Variants in SREK1 observed in about 807,000 individuals in gnomAD.
SREK1 encodes splicing regulatory glutamine/lysine-rich protein 1.
In SREK1, 13 loss-of-function variants were observed where a neutral mutation model predicts 66.5. The observed-to-expected ratio is 0.20, with a 90% CI of 0.13 to 0.31. The LOEUF (loss-of-function observed/expected upper bound fraction) is 0.31, where lower values mean the gene tolerates loss of function less well. SREK1 is among the 10% of genes least tolerant of loss of function. The probability of loss-of-function intolerance (pLI) is 1.00; values close to 1 mark genes in which losing one functional copy is unlikely to be tolerated. For missense variants in SREK1, 607 were observed against 769.6 expected, an observed-to-expected ratio of 0.79 and a Z score of 2.50; for synonymous variants, 265 against 263.5, an observed-to-expected ratio of 1.01 and a Z score of -0.05.
At chr5:66,151,122 T>C (rs1005086329) in intron 1 of SREK1, among the ~76,000 whole-genome samples, 2 of 152,210 alleles carry the variant, frequency 1.3e-5, no homozygotes, top group Non-Finnish European at 2.9e-5. Flanking sequence ...ATTACAGGCA[T>C]GAGCCACCCT....
At chr5:66,146,152 G>C (rs998626698) in intron 1 of SREK1, among the ~76,000 whole-genome samples, 5 of 152,108 alleles carry the variant, frequency 3.3e-5, no homozygotes, top group Non-Finnish European at 7.4e-5. Context: ...CTCAATTTAA[G>C]TTCTCAGAAC....
rs1746302757 is a variant in SREK1, at chr5:66,179,052, A to G, written c.*184A>G. On this transcript the variant is annotated 3_prime_UTR_variant, in exon 12 of 12. Transcript: ENST00000334121. Reference sequence around the variant, plus strand: ...AGTAAGAAAATAAAGCATGGACATCATGAAAATAACAGATGTTACCCAAAC... The same window carrying G: ...AGTAAGAAAATAAAGCATGGACATCGTGAAAATAACAGATGTTACCCAAAC... 1.8e-6 allele frequency: 1 copy of G among 551,548 alleles called. No homozygotes were observed. The highest frequency in any genetic ancestry group is 2.8e-6 in the Non-Finnish European group (1 of 351,502). The allele number at this position is 551,548 out of a possible 1,614,324, so 34.2% of individuals were successfully genotyped here. A position where few individuals can be genotyped will look rare whatever the true frequency, so the allele number is the denominator to read the frequency against.
At position 66,182,243 on chromosome 5, in the gene SREK1, G is replaced by A. The variant is rs1051080666; in HGVS notation, c.*3375G>A. On this transcript the variant is annotated 3_prime_UTR_variant, in exon 12 of 12. Transcript: ENST00000334121. ...TATCTGATTTCAACTGGTGCGTTAC[G>A]AAGTAGAGCCATTCCCACAAAGTAA... The A allele has an allele frequency of 2.6e-5, 4 of 152,080 alleles. No homozygotes were observed. The highest frequency in any genetic ancestry group is 7.2e-5 in the African/African-American group (3 of 41,414). The allele number at this position is 152,080 out of a possible 1,614,324, so 9.4% of individuals were successfully genotyped here.
intron 7 of SREK1, 56 bp from the exon 8 acceptor site, chr5:66,169,995 C>T: frequency 7.2e-7 from 1 of 1,385,524 alleles, no homozygotes. Flanking sequence ...TTTAAATTTT[C>T]TTGTTTGAAA....
intron 8 of SREK1, 83 bp downstream of exon 8, chr5:66,170,253 T>G (rs1745519204): frequency 1.4e-6 from 2 of 1,466,328 alleles, no homozygotes; most frequent in Non-Finnish European, 1.8e-6. Context: ...ATTGGCTTCA[T>G]TTGTTAAAAA....
intron 2 of SREK1, among the ~76,000 whole-genome samples, chr5:66,154,644 A>G (rs974400684): frequency 6.6e-6 from 1 of 152,304 alleles, no homozygotes; most frequent in Non-Finnish European, 1.5e-5. Context: ...TGGGATGTCA[A>G]AAACATTACA....
chr5:66,169,341 C>T (rs1156981365), intron 7 of SREK1: 3 of 152,124 alleles, frequency 2.0e-5, no homozygotes, highest in East Asian at 1.9e-4. Flanking sequence ...TGAGCGCTTT[C>T]GTGATGCTCA....
At chr5:66,144,913 A>G (rs1459744548) in intron 1 of SREK1, 3 of 996,786 alleles carry the variant, frequency 3.0e-6, no homozygotes, top group South Asian at 4.5e-5. Flanking sequence ...GCGTTTTTCC[A>G]CTCTGAAAAT....
intron 2 of SREK1, chr5:66,157,232 A>C (rs1744361617): frequency 1.0e-6 from 1 of 985,112 alleles, no homozygotes; most frequent in South Asian, 4.7e-5. Flanking sequence ...GGAGAGTTTG[A>C]CAACCTACTG....
chr5:66,167,370 G>A (rs1005347553), intron 7 of SREK1: 1 of 152,198 alleles, frequency 6.6e-6, no homozygotes, highest in Non-Finnish European at 1.5e-5. Context: ...AACAGGAACT[G>A]TAAGACATTT....
intron 5 of SREK1, 63 bp downstream of exon 5, chr5:66,162,655 A>T: frequency 6.8e-7 from 1 of 1,473,634 alleles, no homozygotes; most frequent in Non-Finnish European, 9.1e-7. Context: ...TTTTGATGTA[A>T]TGAAGGCTTT....
chr5:66,152,190 T>G (rs990877016), intron 1 of SREK1, among the ~76,000 whole-genome samples: 1 of 152,226 alleles, frequency 6.6e-6, no homozygotes, highest in East Asian at 1.9e-4. Flanking sequence ...GCCTTACTAA[T>G]TGTGTTAATA....
intron 7 of SREK1, chr5:66,166,126 T>G (rs1284598121): frequency 6.6e-6 from 1 of 152,218 alleles, no homozygotes; most frequent in Admixed American, 6.5e-5. Flanking sequence ...GAGGCCAGAA[T>G]CAGGAAAGGA....
At chr5:66,149,371 G>T (rs1446152155) in intron 1 of SREK1, among the ~76,000 whole-genome samples, 2 of 151,818 alleles carry the variant, frequency 1.3e-5, no homozygotes, top group Non-Finnish European at 2.9e-5. Flanking sequence ...GAAAAGAAAA[G>T]AAAAGAAAAT....
At chr5:66,169,572 T>G (rs1691067629) in intron 7 of SREK1, 1 of 152,268 alleles carries the variant, frequency 6.6e-6, no homozygotes, top group African/African-American at 2.4e-5. Context: ...AATCCAATAT[T>G]TGATTATATC....
chr5:66,155,748 C>G (rs1028621857), intron 2 of SREK1, among the ~76,000 whole-genome samples: 1 of 152,162 alleles, frequency 6.6e-6, no homozygotes, highest in African/African-American at 2.4e-5. Flanking sequence ...GTGAGAAGAT[C>G]CTAAGTTGTA....
intron 7 of SREK1, chr5:66,167,959 T>A (rs1397641892): frequency 2.0e-5 from 3 of 152,218 alleles, no homozygotes; most frequent in Non-Finnish European, 4.4e-5. Flanking sequence ...AGTTTTGCCT[T>A]AACATCTACT....
At chr5:66,172,824 ATTTTTTTTTTTTTT>A (rs762670649) in intron 9 of SREK1, among the ~76,000 whole-genome samples, 1 of 118,234 alleles carries the variant, frequency 8.5e-6, no homozygotes, top group Admixed American at 8.7e-5. Context: ...ATTTCTTTGA[ATTTTTTTTTTTTTT>A]TTTTTTTTTT....
At chr5:66,156,313 G>T in intron 2 of SREK1, 1 of 1,304,138 alleles carries the variant, frequency 7.7e-7, no homozygotes, top group Non-Finnish European at 9.7e-7. Flanking sequence ...ACTTTAACTT[G>T]TGAGCTGGTT....
Sources: gnomAD v4.1 joint callset for allele counts (sites outside exome capture counted in the v4.1 genomes callset) on GRCh38, gnomAD v4.1.1 for gene constraint, MANE v1.5 for transcripts, NCBI Gene and HGNC (gene_info 2026-07-23, HGNC 2026-07-21) for gene names.